MYO5A: variants seen among roughly 807,000 people sequenced by gnomAD.
MYO5A encodes the protein unconventional myosin-Va.
Under a neutral mutation model 249.7 loss-of-function variants are expected in MYO5A, and 98 were observed. The ratio of observed to expected loss-of-function variants is 0.39; its 90% CI spans 0.33 to 0.46. The LOEUF (loss-of-function observed/expected upper bound fraction) is 0.46, where lower values mean the gene tolerates loss of function less well. Ranked by LOEUF, MYO5A falls within the 20% of genes least tolerant of loss-of-function variation. The pLI is 0.98. For missense variants in MYO5A, 1,696 were observed against 2,308.8 expected, an observed-to-expected ratio of 0.73 and a Z score of 5.44; for synonymous variants, 778 against 810.6, an observed-to-expected ratio of 0.96 and a Z score of 0.68.
chr15:52,428,899 G>A (rs1023163041), intron 2 of MYO5A, among the ~76,000 whole-genome samples: 5 of 152,074 alleles, frequency 3.3e-5, no homozygotes, highest in African/African-American at 4.8e-5. Context: ...AAAAAGTGGC[G>A]GACAATATAA....
chr15:52,375,639 A>T (rs749587054), intron 19 of MYO5A, among the ~76,000 whole-genome samples, 179 bp from the exon 20 acceptor site: 29 of 152,250 alleles, frequency 1.9e-4, no homozygotes, highest in Non-Finnish European at 3.2e-4. Flanking sequence ...AGCAATTTAT[A>T]GTTTCCCAAA....
At chr15:52,490,943 A>T (rs1304144482) in intron 1 of MYO5A, among the ~76,000 whole-genome samples, 1 of 151,430 alleles carries the variant, frequency 6.6e-6, no homozygotes, top group African/African-American at 2.4e-5. Flanking sequence ...CTGGTCTTGA[A>T]CTCCTGCGCT....
intron 2 of MYO5A, 54 bp from the exon 3 acceptor site, chr15:52,428,623 G>C: frequency 6.3e-7 from 1 of 1,585,574 alleles, no homozygotes; most frequent in Non-Finnish European, 8.7e-7. Context: ...GACTGTGAAA[G>C]AGGCCCATGC....
chr15:52,433,047 T>C, intron 2 of MYO5A, 128 bp downstream of exon 2: 1 of 728,354 alleles, frequency 1.4e-6, no homozygotes, highest in South Asian at 1.5e-5. Context: ...TTTTTACCAA[T>C]TTAGTAAGTA....
intron 34 of MYO5A, 61 bp downstream of exon 34, chr15:52,336,402 G>T: frequency 1.8e-6 from 2 of 1,137,798 alleles, no homozygotes; most frequent in Non-Finnish European, 2.6e-6. Flanking sequence ...ATATAGCCTA[G>T]TCTTTAAGCC....
At chr15:52,377,925 G>C (rs12913979) in intron 18 of MYO5A, among the ~76,000 whole-genome samples, 134,341 of 152,202 alleles carry the variant, frequency 0.88, 61,537 homozygotes, top group Non-Finnish European at 1. Context: ...CCTATGAGTA[G>C]ATATCTCATA....
intron 1 of MYO5A, among the ~76,000 whole-genome samples, chr15:52,474,730 G>A (rs1320825362): frequency 2.0e-5 from 3 of 152,174 alleles, no homozygotes; most frequent in Non-Finnish European, 4.4e-5. Context: ...TGCATCCCAG[G>A]GATGAGGTCC....
At chr15:52,314,435 C>T (rs1453099952) in intron 40 of MYO5A, among the ~76,000 whole-genome samples, 3 of 152,116 alleles carry the variant, frequency 2.0e-5, no homozygotes, top group Non-Finnish European at 4.4e-5. Context: ...GTGTAAATTT[C>T]GAAGATATTC....
intron 1 of MYO5A, among the ~76,000 whole-genome samples, chr15:52,487,951 A>G (rs2076858377): frequency 6.6e-6 from 1 of 152,158 alleles, no homozygotes; most frequent in Non-Finnish European, 1.5e-5. Flanking sequence ...ACCTGACAAT[A>G]GCAACATAAA....
At chr15:52,389,489 T>A in intron 12 of MYO5A, 126 bp from the exon 13 acceptor site, 1 of 904,896 alleles carries the variant, frequency 1.1e-6, no homozygotes, top group Non-Finnish European at 1.6e-6. Context: ...ACAATTCAAT[T>A]TAGGAGTTCA....
At chr15:52,354,180 G>T (rs2040092522) in intron 25 of MYO5A, among the ~76,000 whole-genome samples, 166 bp from the exon 26 acceptor site, 1 of 152,196 alleles carries the variant, frequency 6.6e-6, no homozygotes, top group African/African-American at 2.4e-5. Context: ...AACAATGAGA[G>T]AAATGCAAAT....
rs192700807 is a variant in MYO5A at position 52,488,221 on chromosome 15, A to G, written c.27+40559T>C. 2.6e-3 allele frequency among the ~76,000 whole-genome samples: 393 copies of G among 151,278 alleles called. 2 individuals carry two copies. The highest frequency in any genetic ancestry group is 9.0e-3 in the African/African-American group (370 of 41,290). On this transcript the variant is annotated intron_variant, in intron 1 of 41. Coordinates refer to ENST00000399233, the MANE Select transcript of MYO5A (RefSeq NM_001382347.1). ...AGAGAAGGATTAAAAAAAAAAAAAG[A>G]CAGAGAAGCTTATTTTTGTAATCTT...
chr15:52,323,299 C>T, intron 37 of MYO5A, 56 bp downstream of exon 37: 1 of 1,491,184 alleles, frequency 6.7e-7, no homozygotes, highest in Non-Finnish European at 9.3e-7. Flanking sequence ...ACATTTTTTC[C>T]TTAAAAAGGT....
intron 34 of MYO5A, chr15:52,331,699 C>T (rs765567906): frequency 1.4e-5 from 14 of 985,334 alleles, no homozygotes; most frequent in Admixed American, 1.2e-4. Context: ...ACATCAGTAC[C>T]TGCCAGTGCT....
chr15:52,348,936 A>T (rs2141013196), intron 28 of MYO5A, 110 bp from the exon 29 acceptor site: 1 of 1,172,988 alleles, frequency 8.5e-7, no homozygotes, highest in Non-Finnish European at 1.2e-6. Flanking sequence ...AAGCTAATTT[A>T]AAAACAGCCA....
intron 22 of MYO5A, among the ~76,000 whole-genome samples, chr15:52,368,216 A>G (rs767412869): frequency 3.3e-5 from 5 of 152,320 alleles, no homozygotes; most frequent in Non-Finnish European, 7.3e-5. Flanking sequence ...ACTGTGCCAC[A>G]CACAGCAGAC....
At chr15:52,314,227 GT>G in intron 40 of MYO5A, 24 bp from the exon 41 acceptor site, 1 of 1,549,522 alleles carries the variant, frequency 6.5e-7, no homozygotes, top group Non-Finnish European at 8.9e-7. Flanking sequence ...AATGATCAAA[GT>G]TTTTGGCATA....
intron 16 of MYO5A, among the ~76,000 whole-genome samples, chr15:52,382,259 A>C (rs1485084343): frequency 6.6e-6 from 1 of 152,224 alleles, no homozygotes; most frequent in Non-Finnish European, 1.5e-5. Context: ...AACTGTCTTT[A>C]CAATGTACAT....
intron 11 of MYO5A, 85 bp downstream of exon 11, chr15:52,396,226 CTTCAT>C: frequency 4.9e-6 from 4 of 821,508 alleles, no homozygotes; most frequent in Middle Eastern, 2.2e-4. Context: ...TAATTCACAA[CTTCAT>C]TCCAGGGATA....
Sources: gnomAD v4.1 joint callset for allele counts (sites outside exome capture counted in the v4.1 genomes callset) on GRCh38, gnomAD v4.1.1 for gene constraint, MANE v1.5 for transcripts, NCBI Gene and HGNC (gene_info 2026-07-23, HGNC 2026-07-21) for gene names.